MORC1: variants seen among roughly 807,000 people sequenced by gnomAD.
MORC1 encodes MORC family CW-type zinc finger 1.
Under a neutral mutation model 134.9 loss-of-function variants are expected in MORC1, and 59 were observed. The ratio of observed to expected loss-of-function variants is 0.44; its 90% CI spans 0.35 to 0.54. The LOEUF (loss-of-function observed/expected upper bound fraction) is 0.54. Ranked by LOEUF, MORC1 falls within the 20% of genes least tolerant of loss-of-function variation. The pLI, the probability that MORC1 is intolerant of heterozygous loss-of-function variation, is 0.00. For synonymous variants in MORC1, 395 were observed against 391.7 expected (o/e 1.01, Z -0.10); for missense variants, 947 against 1,134.5 (o/e 0.83, Z 2.37).
At chr3:109,079,945 G>A (rs1950492830) in intron 8 of MORC1, among the ~76,000 whole-genome samples, 1 of 152,102 alleles carries the variant, frequency 6.6e-6, no homozygotes, top group South Asian at 2.1e-4. Flanking sequence ...AGTAATAACA[G>A]CTAACAATCA....
At chr3:109,005,607 C>T (rs1055303414) in intron 18 of MORC1, among the ~76,000 whole-genome samples, 1 of 152,152 alleles carries the variant, frequency 6.6e-6, no homozygotes, top group Non-Finnish European at 1.5e-5. Context: ...AATAGAGGTT[C>T]GCTTGCCTTT....
chr3:109,015,637 G>A (rs1948799960), intron 17 of MORC1, among the ~76,000 whole-genome samples: 2 of 152,010 alleles, frequency 1.3e-5, no homozygotes, highest in South Asian at 4.2e-4. Context: ...AATTCTTTCA[G>A]GATTATTATC....
chr3:109,110,005 T>C (rs1419718948), intron 3 of MORC1: 1 of 152,144 alleles, frequency 6.6e-6, no homozygotes, highest in African/African-American at 2.4e-5. Flanking sequence ...AGATGAAGAG[T>C]GTCATTTATT....
chr3:109,071,979 C>A lies in MORC1; in HGVS notation c.690-2222G>T, dbSNP rs1461828968. On this transcript the variant is annotated intron_variant, in intron 8 of 27. Coordinates refer to ENST00000232603, the MANE Select transcript of MORC1 (RefSeq NM_014429.4). ...AAGCCTTTCTAAGAATAGACACCTG[C>A]TATGTTAACCCTTTTCTCTCACATG... Among the ~76,000 whole-genome samples, 4 of 152,122 alleles carry A rather than the reference C, an allele frequency of 2.6e-5. No individual in the cohort carries two copies. In the East Asian group the frequency reaches 5.8e-4, roughly 22 times the overall value.
chr3:109,030,277 T>C (rs894080834), intron 16 of MORC1, among the ~76,000 whole-genome samples: 1 of 152,208 alleles, frequency 6.6e-6, no homozygotes, highest in Non-Finnish European at 1.5e-5. Flanking sequence ...CCAAGTCCAA[T>C]GGCACATATG....
intron 10 of MORC1, among the ~76,000 whole-genome samples, chr3:109,062,620 C>T (rs547121486): frequency 1.3e-5 from 2 of 152,202 alleles, no homozygotes; most frequent in South Asian, 2.1e-4. Context: ...CAGGGTTTCA[C>T]CGTGTTAGCC....
chr3:108,979,661 G>C lies in MORC1; in HGVS notation c.2331C>G (p.Leu777=). The change falls in exon 24 of 28, where the codon CTC becomes CTG. Residue 777 remains leucine, a synonymous_variant. Coordinates refer to ENST00000232603, the MANE Select transcript of MORC1 (RefSeq NM_014429.4). ...SSSLPSWKSL[L]NVPMEDVNLS... ...GATTCACATCTTCCATCGGCACATT[G>C]AGCAAGCTGAGGTTTGTCATTTCAA... 1.2e-6 allele frequency: 2 copies of C among 1,613,462 alleles called. No homozygotes were observed. The highest frequency in any genetic ancestry group is 1.7e-5 in the Admixed American group (1 of 59,928).
chr3:108,984,891 T>C lies in MORC1; in HGVS notation c.2258-109A>G, dbSNP rs115155867. 1,901 of 720,040 alleles carry C rather than the reference T, an allele frequency of 2.6e-3. 7 individuals are homozygous for C. Among genetic ancestry groups the C allele is most frequent in the Non-Finnish European group, 3.5e-3 (1,552 of 449,446 alleles). The allele number at this position is 720,040 out of a possible 1,614,324, so 44.6% of individuals were successfully genotyped here. A position where few individuals can be genotyped will look rare whatever the true frequency, so the allele number is the denominator to read the frequency against. ...TACCTCTGTATAATATGGATTTGTA[T>C]TGAAACATCCATTTATAAAACTGTA... On this transcript the variant is annotated intron_variant, in intron 22 of 27. Coordinates refer to ENST00000232603, the MANE Select transcript of MORC1 (RefSeq NM_014429.4).
At chr3:109,044,889 G>C (rs1949650565) in intron 14 of MORC1, among the ~76,000 whole-genome samples, 2 of 149,414 alleles carry the variant, frequency 1.3e-5, no homozygotes, top group Admixed American at 6.7e-5. Flanking sequence ...AGGTTGCAGT[G>C]AGCGGAGATC....
intron 3 of MORC1, among the ~76,000 whole-genome samples, chr3:109,106,678 G>A (rs1017046378): frequency 6.6e-6 from 1 of 151,960 alleles, no homozygotes; most frequent in Non-Finnish European, 1.5e-5. Context: ...CCCCTCACAC[G>A]GGCAACCATC....
chr3:109,102,926 G>A (rs112170398), intron 4 of MORC1, among the ~76,000 whole-genome samples: 44 of 152,068 alleles, frequency 2.9e-4, no homozygotes, highest in African/African-American at 9.7e-4. Context: ...AAAATTATCC[G>A]AAGTCAGAAC....
chr3:109,046,773 T>C (rs1357431997), intron 14 of MORC1, among the ~76,000 whole-genome samples: 1 of 152,246 alleles, frequency 6.6e-6, no homozygotes, highest in Non-Finnish European at 1.5e-5. Flanking sequence ...TACATACAGA[T>C]AGTAAAAGGG....
chr3:108,986,750 C>T (rs1947904315), intron 22 of MORC1, 130 bp downstream of exon 22: 1 of 653,696 alleles, frequency 1.5e-6, no homozygotes, highest in Non-Finnish European at 2.5e-6. Context: ...TCTAGAACAA[C>T]AAACTTAATT....
intron 21 of MORC1, among the ~76,000 whole-genome samples, chr3:108,996,286 G>GCGCGCGCACACACGCACACACACACA: frequency 6.8e-6 from 1 of 146,382 alleles, no homozygotes. Context: ...GCGCGCGCGC[G>GCGCGCGCACACACGCACACACACACA]CACACACACA....
intron 27 of MORC1, 139 bp downstream of exon 27, chr3:108,963,275 A>G (rs1947130606): frequency 1.6e-6 from 1 of 634,478 alleles, no homozygotes; most frequent in Non-Finnish European, 2.7e-6. Context: ...TATGATTTCA[A>G]AATCCTTATG....
chr3:109,028,809 T>C (rs956506666), intron 16 of MORC1, among the ~76,000 whole-genome samples: 1 of 152,146 alleles, frequency 6.6e-6, no homozygotes, highest in Non-Finnish European at 1.5e-5. Context: ...GGGCATAGCT[T>C]TGATTCAGGG....
chr3:108,979,758 C>G, intron 23 of MORC1, 91 bp from the exon 24 acceptor site: 1 of 1,457,232 alleles, frequency 6.9e-7, no homozygotes, highest in Non-Finnish European at 9.3e-7. Flanking sequence ...TGTTCATATA[C>G]AACAAATGAG....
chr3:109,052,885 A>C (rs1949860820), intron 14 of MORC1, among the ~76,000 whole-genome samples: 1 of 152,162 alleles, frequency 6.6e-6, no homozygotes, highest in African/African-American at 2.4e-5. Flanking sequence ...CAAAGGTCTA[A>C]TACCCAGAAT....
chr3:109,027,773 C>G lies in MORC1; in HGVS notation c.1682G>C (p.Arg561Thr), dbSNP rs779425520. 6.2e-7 allele frequency: 1 copy of G among 1,613,606 alleles called. No homozygotes were observed. The highest frequency in any genetic ancestry group is 1.1e-5 in the South Asian group (1 of 91,078). ...LRESVIKYQN[R>T]LAEQQPQPQF... is the part of the protein sequence containing the mutation. Reference sequence around the variant, plus strand: ...CACCTGTGGCTGCTGTTCTGCCAGTCTATTTTGATACTTTATGACCGACTC... The same window carrying G: ...CACCTGTGGCTGCTGTTCTGCCAGTGTATTTTGATACTTTATGACCGACTC... Residue 561 changes from arginine (R) to threonine (T), a missense_variant, in exon 17 of 28, where the codon AGA becomes ACA. Physicochemically the swap from Arg to Thr is moderately conservative, Grantham distance 71. Coordinates refer to ENST00000232603, the MANE Select transcript of MORC1 (RefSeq NM_014429.4).
Sources: allele counts gnomAD v4.1 joint callset (sites outside exome capture counted in the v4.1 genomes callset), GRCh38; gene constraint gnomAD v4.1.1; transcripts MANE v1.5; gene names NCBI Gene and HGNC (gene_info 2026-07-23, HGNC 2026-07-21).